COL22A1: variants seen among roughly 807,000 people sequenced by gnomAD.
COL22A1 encodes collagen type XXII alpha 1 chain, also known as collagen alpha-1(XXII) chain.
A neutral mutation model predicts 248.9 loss-of-function variants in COL22A1; 221 were observed. That is an observed-to-expected ratio of 0.89 (90% CI 0.80 to 0.99). COL22A1 has a LOEUF of 0.99. Among genes scored for constraint, COL22A1 ranks in the 50% least tolerant of loss-of-function variants. The pLI is 0.00. For synonymous variants in COL22A1, 891 were observed against 793.4 expected, an observed-to-expected ratio of 1.12 and a Z score of -2.07; for missense variants, 2,240 against 2,179.0, an observed-to-expected ratio of 1.03 and a Z score of -0.56.
chr8:138,615,610 G>A (rs560534141), intron 55 of COL22A1, among the ~76,000 whole-genome samples: 1 of 151,974 alleles, frequency 6.6e-6, no homozygotes, highest in African/African-American at 2.4e-5. Flanking sequence ...CATTCAAGTG[G>A]TATACAATTA....
intron 50 of COL22A1, among the ~76,000 whole-genome samples, chr8:138,630,214 C>T (rs751438581): frequency 4.6e-5 from 7 of 152,150 alleles, no homozygotes; most frequent in South Asian, 2.1e-4. Context: ...CCACTGGTTG[C>T]GGTTTGGGAT....
chr8:138,669,322 C>T (rs151056783), intron 41 of COL22A1, among the ~76,000 whole-genome samples: 86 of 152,274 alleles, frequency 5.6e-4, no homozygotes, highest in African/African-American at 1.8e-3. Context: ...GGCTCGGCCA[C>T]GGCCGTGGGG....
chr8:138,674,425 C>T (rs185535970), intron 41 of COL22A1, among the ~76,000 whole-genome samples: 2 of 152,288 alleles, frequency 1.3e-5, no homozygotes, highest in African/African-American at 4.8e-5. Flanking sequence ...CCATTACTGG[C>T]CTGGGCTGTG....
intron 39 of COL22A1, among the ~76,000 whole-genome samples, chr8:138,682,428 A>T (rs144276818): frequency 1.4e-4 from 22 of 152,224 alleles, no homozygotes; most frequent in Non-Finnish European, 2.6e-4. Flanking sequence ...TAACACTTTT[A>T]TTATTATTTT....
intron 1 of COL22A1, among the ~76,000 whole-genome samples, chr8:138,906,301 C>T (rs6577963): frequency 0.6 from 89,915 of 150,562 alleles, 27,110 homozygotes; most frequent in Middle Eastern, 0.68. Context: ...ACCCGGGAGG[C>T]GGAGCTTGCA....
chr8:138,703,448 G>T, intron 30 of COL22A1, 101 bp from the exon 31 acceptor site: 2 of 1,134,890 alleles, frequency 1.8e-6, no homozygotes, highest in Non-Finnish European at 2.7e-6. Context: ...ACAACAGAAG[G>T]TGTTGTCTTC....
intron 4 of COL22A1, 91 bp downstream of exon 4, chr8:138,843,993 G>A: frequency 8.7e-7 from 1 of 1,147,184 alleles, no homozygotes; most frequent in Non-Finnish European, 1.3e-6. Context: ...AACAGGGTCA[G>A]TGAGGCCACC....
At chr8:138,841,636 G>A (rs1820888870) in intron 4 of COL22A1, among the ~76,000 whole-genome samples, 1 of 152,198 alleles carries the variant, frequency 6.6e-6, no homozygotes, top group African/African-American at 2.4e-5. Flanking sequence ...GCATGGACTA[G>A]ATTCTAGGAG....
At chr8:138,737,214 C>A (rs1368264783) in intron 23 of COL22A1, among the ~76,000 whole-genome samples, 1 of 152,166 alleles carries the variant, frequency 6.6e-6, no homozygotes, top group Admixed American at 6.5e-5. Context: ...ATTTCCCCAC[C>A]ACCTCGTCCT....
At chr8:138,826,587 G>C (rs940611331) in intron 6 of COL22A1, 71 bp downstream of exon 6, 2 of 1,516,532 alleles carry the variant, frequency 1.3e-6, no homozygotes, top group African/African-American at 2.8e-5. Flanking sequence ...AACATGGTGG[G>C]TGGTGCCATC....
At chr8:138,712,549 A>C (rs2131064188) in intron 30 of COL22A1, among the ~76,000 whole-genome samples, 1 of 152,312 alleles carries the variant, frequency 6.6e-6, no homozygotes, top group South Asian at 2.1e-4. Flanking sequence ...CTATCAGCAA[A>C]GAGTACGTGT....
At chr8:138,828,919 G>C (rs922446316) in intron 5 of COL22A1, among the ~76,000 whole-genome samples, 1 of 152,080 alleles carries the variant, frequency 6.6e-6, no homozygotes. Flanking sequence ...AGCCAGCCGT[G>C]GGGGAGCCCA....
At chr8:138,837,886 G>C (rs913111392) in intron 4 of COL22A1, among the ~76,000 whole-genome samples, 4 of 152,176 alleles carry the variant, frequency 2.6e-5, no homozygotes, top group Non-Finnish European at 5.9e-5. Context: ...CCCAGCCCTG[G>C]CCAGAGGTGG....
At chr8:138,810,727 T>C (rs1818140193) in intron 9 of COL22A1, among the ~76,000 whole-genome samples, 1 of 151,808 alleles carries the variant, frequency 6.6e-6, no homozygotes. Flanking sequence ...GAAGGCAGAG[T>C]GTGAAGGAGA....
intron 35 of COL22A1, among the ~76,000 whole-genome samples, chr8:138,692,808 C>G (rs1827196742): frequency 6.6e-6 from 1 of 152,098 alleles, no homozygotes; most frequent in Non-Finnish European, 1.5e-5. Context: ...AACCAGGGCT[C>G]TCTCCACAAG....
At position 138,676,395 on chromosome 8, in the gene COL22A1, CA is replaced by C. The variant is rs1210902380; in HGVS notation, c.3150+162del. 8.6e-3 allele frequency among the ~76,000 whole-genome samples: 219 copies of C among 25,326 alleles called. 2 individuals carry two copies. Among genetic ancestry groups the C allele is most frequent in the African/African-American group, 0.018 (206 of 11,554 alleles). The allele number at this position is 25,326 out of a possible 152,430, so 16.6% of individuals were successfully genotyped here. On this transcript the variant is annotated intron_variant, in intron 41 of 64. Transcript: ENST00000303045. ...TGGGCAACACTGCGAGACTCCATCTCAAAAAAAAAAAGAAAGAAAAAGAAAG... is the reference window on the plus strand; with the variant it reads ...TGGGCAACACTGCGAGACTCCATCTCAAAAAAAAAAGAAAGAAAAAGAAAG...
chr8:138,879,530 A>G (rs139044302), intron 2 of COL22A1, among the ~76,000 whole-genome samples: 1,571 of 152,098 alleles, frequency 0.01, 35 homozygotes, highest in African/African-American at 0.035. Flanking sequence ...CGTCTGTACT[A>G]AAAATACAAA....
At chr8:138,901,933 G>A (rs1029699585) in intron 1 of COL22A1, among the ~76,000 whole-genome samples, 3 of 152,164 alleles carry the variant, frequency 2.0e-5, no homozygotes, top group Non-Finnish European at 2.9e-5. Context: ...CCTGCTCCCC[G>A]AGACATGGTA....
intron 26 of COL22A1, 143 bp downstream of exon 26, chr8:138,721,893 C>T: frequency 1.4e-6 from 1 of 732,076 alleles, no homozygotes; most frequent in East Asian, 2.7e-5. Flanking sequence ...CCCCATCTGA[C>T]CCCATAAATC....
Sources: gnomAD v4.1 joint callset for allele counts (sites outside exome capture counted in the v4.1 genomes callset) on GRCh38, gnomAD v4.1.1 for gene constraint, MANE v1.5 for transcripts, NCBI Gene and HGNC (gene_info 2026-07-23, HGNC 2026-07-21) for gene names.